VTI1A: variants seen among roughly 807,000 people sequenced by gnomAD.
The protein encoded by VTI1A is vesicle transport through interaction with t-SNAREs 1A.
Under a neutral mutation model 34.9 loss-of-function variants are expected in VTI1A, and 22 were observed. That is an observed-to-expected ratio of 0.63 (90% CI 0.45 to 0.90). The LOEUF (loss-of-function observed/expected upper bound fraction) is 0.90, where lower values mean the gene tolerates loss of function less well. VTI1A is among the 40% of genes least tolerant of loss of function. The probability of loss-of-function intolerance (pLI) is 0.00; values close to 1 mark genes in which losing one functional copy is unlikely to be tolerated. For missense variants in VTI1A, 268 were observed against 275.6 expected, an observed-to-expected ratio of 0.97 and a Z score of 0.20; for synonymous variants, 87 against 97.3, an observed-to-expected ratio of 0.89 and a Z score of 0.62.
the VTI1A span, among the ~76,000 whole-genome samples, chr10:112,835,266 G>C: frequency 6.6e-6 from 1 of 152,268 alleles, no homozygotes; most frequent in South Asian, 2.1e-4. Flanking sequence ...GCAGTCAATT[G>C]ATTACTTGTC....
At chr10:112,706,279 A>T (rs1849195166) in intron 7 of VTI1A, among the ~76,000 whole-genome samples, 1 of 152,224 alleles carries the variant, frequency 6.6e-6, no homozygotes, top group South Asian at 2.1e-4. Flanking sequence ...AGTGGAGGGC[A>T]GCCCAGTCAT....
chr10:112,613,471 T>C (rs923175382), intron 5 of VTI1A, among the ~76,000 whole-genome samples: 3 of 152,232 alleles, frequency 2.0e-5, no homozygotes, highest in Non-Finnish European at 4.4e-5. Context: ...GTATTTCTTA[T>C]GCCTTTCACC....
chr10:112,708,091 T>C (rs554969365), intron 7 of VTI1A, among the ~76,000 whole-genome samples: 3 of 152,324 alleles, frequency 2.0e-5, no homozygotes, highest in South Asian at 4.1e-4. Flanking sequence ...CCTGATAACA[T>C]TGAAGAAGCT....
At chr10:112,830,849 A>ATATATTTTTTTTTT in the VTI1A span, among the ~76,000 whole-genome samples, 21 of 33,494 alleles carry the variant, frequency 6.3e-4, no homozygotes, top group African/African-American at 2.0e-3. Flanking sequence ...ATATATATAT[A>ATATATTTTTTTTTT]TTTTTTTTTT....
At chr10:112,563,517 A>T (rs1175207858) in intron 5 of VTI1A, among the ~76,000 whole-genome samples, 1 of 152,198 alleles carries the variant, frequency 6.6e-6, no homozygotes, top group East Asian at 1.9e-4. Context: ...CTCTCAGTAG[A>T]CTTGTTTTCC....
chr10:112,691,248 G>A (rs930455162), intron 7 of VTI1A, among the ~76,000 whole-genome samples: 39 of 148,152 alleles, frequency 2.6e-4, no homozygotes, highest in African/African-American at 8.0e-4. Flanking sequence ...GCAACAGAAT[G>A]AGACTCTGCC....
chr10:112,684,735 G>A (rs900058726), intron 7 of VTI1A, among the ~76,000 whole-genome samples: 4 of 151,926 alleles, frequency 2.6e-5, no homozygotes, highest in East Asian at 3.9e-4. Context: ...CACCACACCC[G>A]GCCTGCTCAT....
chr10:112,681,151 C>A (rs183162130), intron 7 of VTI1A, among the ~76,000 whole-genome samples: 2 of 151,422 alleles, frequency 1.3e-5, no homozygotes, highest in East Asian at 3.9e-4. Context: ...CAATAGCTCA[C>A]TGCAACCTCA....
intron 7 of VTI1A, among the ~76,000 whole-genome samples, chr10:112,796,238 A>G (rs1293697253): frequency 6.6e-6 from 1 of 151,974 alleles, no homozygotes; most frequent in East Asian, 1.9e-4. Flanking sequence ...GTCTCTACTA[A>G]AAAATGTTTT....
chr10:112,683,974 T>C (rs1246292659), intron 7 of VTI1A, among the ~76,000 whole-genome samples: 2 of 150,270 alleles, frequency 1.3e-5, no homozygotes, highest in Non-Finnish European at 3.0e-5. Context: ...ACCCGGGAGG[T>C]AGAGGTTGCA....
chr10:112,551,045 C>T (rs963545805), intron 5 of VTI1A, among the ~76,000 whole-genome samples: 4 of 151,960 alleles, frequency 2.6e-5, no homozygotes, highest in African/African-American at 4.8e-5. Flanking sequence ...AGATGGAGAC[C>T]ATCCTGGCGA....
intron 7 of VTI1A, among the ~76,000 whole-genome samples, chr10:112,812,882 T>C (rs1853366745): frequency 6.6e-6 from 1 of 152,214 alleles, no homozygotes; most frequent in Non-Finnish European, 1.5e-5. Flanking sequence ...CGGGGCTTGC[T>C]TCAACTTTGA....
chr10:112,803,964 A>C (rs1416717382), intron 7 of VTI1A, among the ~76,000 whole-genome samples: 1 of 152,192 alleles, frequency 6.6e-6, no homozygotes, highest in Non-Finnish European at 1.5e-5. Flanking sequence ...CAGCCAGCAA[A>C]GCCGCTCTGC....
chr10:112,527,375 C>A, intron 4 of VTI1A: 1 of 387,746 alleles, frequency 2.6e-6, no homozygotes, highest in East Asian at 4.1e-5. Context: ...TGTCTGCTAT[C>A]TTTTAAAAAA....
At chr10:112,652,456 C>G (rs1026708063) in intron 5 of VTI1A, among the ~76,000 whole-genome samples, 1 of 152,144 alleles carries the variant, frequency 6.6e-6, no homozygotes, top group African/African-American at 2.4e-5. Context: ...TGCAGGGGCT[C>G]ACGCCTGTAA....
chr10:112,520,625 G>GTA (rs1849982778), intron 3 of VTI1A, among the ~76,000 whole-genome samples: 1 of 109,436 alleles, frequency 9.1e-6, no homozygotes, highest in Non-Finnish European at 1.9e-5. Context: ...CTCTATATGT[G>GTA]TGTGTGTGTG....
At chr10:112,809,390 C>T (rs1360548570) in intron 7 of VTI1A, among the ~76,000 whole-genome samples, 4 of 152,214 alleles carry the variant, frequency 2.6e-5, no homozygotes, top group East Asian at 1.9e-4. Flanking sequence ...GAAGCAGATC[C>T]GGGTTCCTCT....
intron 5 of VTI1A, among the ~76,000 whole-genome samples, chr10:112,601,940 A>G (rs1180449449): frequency 6.6e-6 from 1 of 152,206 alleles, no homozygotes; most frequent in Non-Finnish European, 1.5e-5. Flanking sequence ...ACAGATAAAG[A>G]CAATACATTT....
rs548631354 is a variant in VTI1A, at chr10:112,564,589, A to C, written c.427+26259A>C. Among the ~76,000 whole-genome samples, 4 of 152,294 alleles carry C rather than the reference A, an allele frequency of 2.6e-5. No homozygotes were observed. In the East Asian group the frequency reaches 7.7e-4, roughly 29 times the overall value. On this transcript the variant is annotated intron_variant, in intron 5 of 7. Coordinates refer to ENST00000393077, the MANE Select transcript of VTI1A (RefSeq NM_145206.4). ...GTTTAAACAGCTTAAGTAAATTTAC[A>C]GGGTTACCCCCCTTTTTTTAAATAA...
Sources: gnomAD v4.1 joint callset for allele counts (sites outside exome capture counted in the v4.1 genomes callset) on GRCh38, gnomAD v4.1.1 for gene constraint, MANE v1.5 for transcripts, NCBI Gene and HGNC (gene_info 2026-07-23, HGNC 2026-07-21) for gene names.